Variants in PTPRD observed in about 807,000 individuals in gnomAD.
PTPRD encodes the protein protein tyrosine phosphatase receptor type D.
PTPRD carries 34 observed loss-of-function variants against 214.5 expected under a neutral mutation model. That is an observed-to-expected ratio of 0.16 (90% confidence interval 0.12 to 0.21). The LOEUF is 0.21. Among genes scored for constraint, PTPRD ranks in the 10% least tolerant of loss-of-function variants. PTPRD has a pLI of 1.00. For synonymous variants in PTPRD, 1,128 were observed against 845.7 expected (o/e 1.33, Z -5.79); for missense variants, 2,545 against 2,398.7 (o/e 1.06, Z -1.27).
intron 9 of PTPRD, among the ~76,000 whole-genome samples, chr9:9,263,806 G>T (rs1215407644): frequency 6.6e-6 from 1 of 151,674 alleles, no homozygotes; most frequent in Admixed American, 6.6e-5. Flanking sequence ...ACTTGAGTAG[G>T]GAGGGTGGGA....
At chr9:9,520,626 C>G (rs796552171) in intron 8 of PTPRD, among the ~76,000 whole-genome samples, 6 of 152,254 alleles carry the variant, frequency 3.9e-5, no homozygotes, top group African/African-American at 1.2e-4. Context: ...GGTCAACAAA[C>G]AGTTATCGAG....
rs182377440 is a variant in PTPRD, at chr9:8,379,702, C to T, written c.4387-2976G>A. Among the ~76,000 whole-genome samples, 191 of 152,274 alleles carry T rather than the reference C, an allele frequency of 1.3e-3. 1 individual carries two copies. Among genetic ancestry groups the T allele is most frequent in the African/African-American group, 4.5e-3 (186 of 41,560 alleles). On this transcript the variant is annotated intron_variant, in intron 37 of 45. Transcript: ENST00000381196. The stretch of plus-strand genomic sequence containing the variant: ...GAGAGTTACTATTTGTTAGGCTTCA[C>T]ACATAAAGCTGATTGTGAGATGAGA...
At chr9:9,678,651 G>A (rs886982920) in intron 7 of PTPRD, among the ~76,000 whole-genome samples, 3 of 151,542 alleles carry the variant, frequency 2.0e-5, no homozygotes, top group Admixed American at 6.6e-5. Context: ...GTTCTGTCTC[G>A]CCATGCTCCA....
At chr9:10,279,788 T>C (rs1166801830) in intron 3 of PTPRD, among the ~76,000 whole-genome samples, 1 of 152,062 alleles carries the variant, frequency 6.6e-6, no homozygotes, top group Non-Finnish European at 1.5e-5. Flanking sequence ...CTAAGTGGCG[T>C]AGTCACTAAG....
chr9:9,872,064 G>A (rs1185371303), intron 5 of PTPRD, among the ~76,000 whole-genome samples: 1 of 152,108 alleles, frequency 6.6e-6, no homozygotes, highest in African/African-American at 2.4e-5. Flanking sequence ...CTGTGGTGGG[G>A]TCATGATGGC....
intron 2 of PTPRD, among the ~76,000 whole-genome samples, chr9:10,515,541 G>T (rs181130904): frequency 6.7e-6 from 1 of 150,216 alleles, no homozygotes; most frequent in Admixed American, 6.7e-5. Context: ...TTAGGCCCAA[G>T]TAATATTTTT....
At chr9:10,111,582 A>G (rs947284405) in intron 3 of PTPRD, among the ~76,000 whole-genome samples, 5 of 152,160 alleles carry the variant, frequency 3.3e-5, no homozygotes, top group Non-Finnish European at 7.3e-5. Context: ...TTGTATTATT[A>G]TAATATTGGC....
intron 37 of PTPRD, among the ~76,000 whole-genome samples, chr9:8,381,273 G>C (rs2084998361): frequency 6.6e-6 from 1 of 152,136 alleles, no homozygotes; most frequent in Non-Finnish European, 1.5e-5. Context: ...CATTTAATGA[G>C]GGAGACTATA....
chr9:10,605,850 A>C (rs2079177105), intron 2 of PTPRD, among the ~76,000 whole-genome samples: 1 of 151,778 alleles, frequency 6.6e-6, no homozygotes, highest in African/African-American at 2.4e-5. Flanking sequence ...GACTCAATAC[A>C]TATTTGGGAC....
intron 2 of PTPRD, among the ~76,000 whole-genome samples, chr9:10,532,915 C>A (rs1458068655): frequency 6.6e-6 from 1 of 151,842 alleles, no homozygotes; most frequent in Admixed American, 6.6e-5. Context: ...TTGTCCCCAC[C>A]AAAACTCATG....
chr9:9,385,341 C>A (rs1205866484), intron 9 of PTPRD, among the ~76,000 whole-genome samples: 1 of 152,094 alleles, frequency 6.6e-6, no homozygotes, highest in Non-Finnish European at 1.5e-5. Context: ...CAACAGTCTT[C>A]AAAACGTGGT....
intron 11 of PTPRD, among the ~76,000 whole-genome samples, chr9:8,832,887 C>A (rs1464308174): frequency 6.6e-6 from 1 of 151,946 alleles, no homozygotes; most frequent in African/African-American, 2.4e-5. Flanking sequence ...AAAATAATAT[C>A]TGAAATGAAA....
intron 2 of PTPRD, among the ~76,000 whole-genome samples, chr9:10,590,512 A>G (rs2075160184): frequency 6.6e-6 from 1 of 152,014 alleles, no homozygotes; most frequent in South Asian, 2.1e-4. Flanking sequence ...TCTCATTTCT[A>G]ACACTATAAA....
chr9:9,327,906 A>T (rs1366436181), intron 9 of PTPRD, among the ~76,000 whole-genome samples: 1 of 39,164 alleles, frequency 2.6e-5, no homozygotes, highest in Non-Finnish European at 8.3e-5. Context: ...TGATGAGCTA[A>T]AAAAAAAAAA....
intron 12 of PTPRD, among the ~76,000 whole-genome samples, chr9:8,721,660 C>T (rs1189801955): frequency 6.6e-6 from 1 of 152,144 alleles, no homozygotes; most frequent in Non-Finnish European, 1.5e-5. Flanking sequence ...GCTTAACCTG[C>T]TTTTGTCTTT....
chr9:8,645,925 T>A (rs2096677934), intron 12 of PTPRD, among the ~76,000 whole-genome samples: 1 of 152,010 alleles, frequency 6.6e-6, no homozygotes, highest in South Asian at 2.1e-4. Flanking sequence ...TTCTGCCTTC[T>A]CCTTTGCCCA....
At chr9:9,777,315 G>A (rs541935363) in intron 5 of PTPRD, among the ~76,000 whole-genome samples, 15 of 142,924 alleles carry the variant, frequency 1.0e-4, no homozygotes, top group Middle Eastern at 7.0e-3. Flanking sequence ...ATAAAAATAT[G>A]CACATACATG....
rs950202192 is a variant in PTPRD, at chr9:10,260,986, ATGTATATATATG to A, written c.-545+79965_-545+79976del. Reference sequence around the variant, plus strand: ...TGTATATATATATGTGTGTATATATATGTATATATATGTGTATATATGTATATATGTGTGTAT... The same window carrying A: ...TGTATATATATATGTGTGTATATATATGTATATATGTATATATGTGTGTAT... On this transcript the variant is annotated intron_variant, in intron 3 of 45. Coordinates refer to ENST00000381196, the MANE Select transcript of PTPRD (RefSeq NM_002839.4). Among the ~76,000 whole-genome samples the A allele has an allele frequency of 6.1e-4, 90 of 148,014 alleles. 1 individual carries two copies. The highest frequency in any genetic ancestry group is 1.7e-4 in the African/African-American group (7 of 40,350).
intron 14 of PTPRD, among the ~76,000 whole-genome samples, chr9:8,623,086 G>C (rs1374923418): frequency 6.6e-6 from 1 of 151,900 alleles, no homozygotes; most frequent in Non-Finnish European, 1.5e-5. Context: ...AGGAGTGACA[G>C]GTTACAGTGA....
Sources: allele counts gnomAD v4.1 joint callset (sites outside exome capture counted in the v4.1 genomes callset), GRCh38; gene constraint gnomAD v4.1.1; transcripts MANE v1.5; gene names NCBI Gene and HGNC (gene_info 2026-07-23, HGNC 2026-07-21).